The following RFX4 variants were observed in gnomAD, a reference collection of about 807,000 sequenced individuals.
RFX4 encodes transcription factor RFX4.
A neutral mutation model predicts 95.0 loss-of-function variants in RFX4; 10 were observed. The observed-to-expected ratio is 0.11, with a 90% CI of 0.06 to 0.18. The LOEUF is 0.18. Among genes scored for constraint, RFX4 ranks in the 10% least tolerant of loss-of-function variants. The pLI, the probability that RFX4 is intolerant of heterozygous loss-of-function variation, is 1.00. For missense variants in RFX4, 640 were observed against 922.0 expected (o/e 0.69, Z 3.96); for synonymous variants, 321 against 340.7 (o/e 0.94, Z 0.64).
intron 17 of RFX4, among the ~76,000 whole-genome samples, chr12:106,759,167 A>G (rs1039057811): frequency 6.6e-6 from 1 of 152,344 alleles, no homozygotes; most frequent in Admixed American, 6.5e-5. Context: ...AGATTCCAGA[A>G]AAGTCTCTCC....
At chr12:106,623,243 G>T (rs1054175402) in intron 2 of RFX4, among the ~76,000 whole-genome samples, 8 of 146,396 alleles carry the variant, frequency 5.5e-5, no homozygotes, top group African/African-American at 1.0e-4. Flanking sequence ...TTTCACGGTG[G>T]TCTCAATCTG....
intron 15 of RFX4, among the ~76,000 whole-genome samples, chr12:106,744,996 T>C (rs766447662): frequency 5.3e-5 from 8 of 152,152 alleles, no homozygotes; most frequent in Non-Finnish European, 1.0e-4. Flanking sequence ...TCCTGAGCGA[T>C]CGTCAGTCTT....
chr12:106,665,520 T>A (rs569810304), intron 4 of RFX4, among the ~76,000 whole-genome samples: 1 of 152,102 alleles, frequency 6.6e-6, no homozygotes, highest in South Asian at 2.1e-4. Context: ...ATATTTACCA[T>A]ATTTGTTACT....
intron 8 of RFX4, 88 bp from the exon 9 acceptor site, chr12:106,709,242 T>C (rs1405200009): frequency 3.9e-6 from 4 of 1,021,624 alleles, no homozygotes; most frequent in African/African-American, 1.6e-5. Context: ...AGCCAAAACA[T>C]GATTAGGGGA....
chr12:106,691,628 A>C (rs1056949236), intron 7 of RFX4, among the ~76,000 whole-genome samples: 5 of 152,232 alleles, frequency 3.3e-5, no homozygotes, highest in Non-Finnish European at 5.9e-5. Flanking sequence ...TGAGGTTACA[A>C]CTTATGCTAG....
At chr12:106,658,452 T>A (rs1050091570) in intron 4 of RFX4, among the ~76,000 whole-genome samples, 1 of 152,196 alleles carries the variant, frequency 6.6e-6, no homozygotes, top group Admixed American at 6.5e-5. Context: ...TACAGCTCAT[T>A]CTCAGCTATT....
intron 16 of RFX4, among the ~76,000 whole-genome samples, chr12:106,747,927 T>TAA (rs10624179): frequency 0.21 from 26,688 of 126,046 alleles, 2,908 homozygotes; most frequent in South Asian, 0.28. Context: ...GACGCCGTCT[T>TAA]AAAAAAAAAA....
At chr12:106,689,425 C>A in intron 7 of RFX4, 61 bp downstream of exon 7, 1 of 1,335,804 alleles carries the variant, frequency 7.5e-7, no homozygotes, top group Non-Finnish European at 1.1e-6. Flanking sequence ...ACACTAGCTC[C>A]TATTTCATGA....
At chr12:106,657,433 C>T (rs912703838) in intron 4 of RFX4, among the ~76,000 whole-genome samples, 3 of 152,132 alleles carry the variant, frequency 2.0e-5, no homozygotes, top group African/African-American at 4.8e-5. Flanking sequence ...GCCATTGCTT[C>T]GCTGCAAGTA....
At chr12:106,589,877 G>A (rs1046400801) in intron 1 of RFX4, among the ~76,000 whole-genome samples, 1 of 152,214 alleles carries the variant, frequency 6.6e-6, no homozygotes, top group Non-Finnish European at 1.5e-5. Flanking sequence ...TATCACAGCG[G>A]TTGAGTAGAG....
intron 1 of RFX4, among the ~76,000 whole-genome samples, chr12:106,605,283 T>C (rs1346300542): frequency 6.6e-6 from 1 of 152,158 alleles, no homozygotes; most frequent in Non-Finnish European, 1.5e-5. Flanking sequence ...AAGACCAAAA[T>C]CCATTGTTAA....
In RFX4 at chr12:106,715,517, G is replaced by A; in HGVS notation, c.1111G>A (p.Asp371Asn). ...QTLYTMEDSR[D>N]EHRKLITQLY... Reference sequence around the variant, plus strand: ...CCTTTACACCATGGAAGACTCTCGCGATGAGCACCGGAAACTCATCACCCA... The same window carrying A: ...CCTTTACACCATGGAAGACTCTCGCAATGAGCACCGGAAACTCATCACCCA... Residue 371 changes from aspartate (D) to asparagine (N), a missense_variant, in exon 11 of 18, where the codon GAT (aspartate) becomes AAT (asparagine). Coordinates refer to ENST00000392842, the MANE Select transcript of RFX4 (RefSeq NM_213594.3). 1 of 1,614,150 alleles carries A rather than the reference G, an allele frequency of 6.2e-7. No homozygotes were observed.
chr12:106,638,410 C>G (rs1000054100), intron 2 of RFX4, among the ~76,000 whole-genome samples: 1 of 152,074 alleles, frequency 6.6e-6, no homozygotes, highest in African/African-American at 2.4e-5. Flanking sequence ...ATGCACAAAC[C>G]CTAAAATATT....
At chr12:106,656,694 A>G (rs1438557677) in intron 4 of RFX4, among the ~76,000 whole-genome samples, 1 of 150,504 alleles carries the variant, frequency 6.6e-6, no homozygotes, top group Non-Finnish European at 1.5e-5. Flanking sequence ...CCTTCTCCTC[A>G]TTCTCCTCTC....
At chr12:106,632,581 T>C (rs4964475) in intron 2 of RFX4, among the ~76,000 whole-genome samples, 142,898 of 152,338 alleles carry the variant, frequency 0.94, 67,157 homozygotes, top group East Asian at 1. Context: ...GCCAGGCTCA[T>C]ACCCCACACT....
intron 4 of RFX4, among the ~76,000 whole-genome samples, chr12:106,669,103 A>T (rs2137361378): frequency 6.6e-6 from 1 of 152,300 alleles, no homozygotes; most frequent in Admixed American, 6.5e-5. Flanking sequence ...AGTATGTATG[A>T]GTTTAATCTA....
At chr12:106,660,720 C>T (rs1299450456) in intron 4 of RFX4, among the ~76,000 whole-genome samples, 1 of 152,152 alleles carries the variant, frequency 6.6e-6, no homozygotes, top group Non-Finnish European at 1.5e-5. Flanking sequence ...CTGGGCCACA[C>T]AGCAGGAGGT....
intron 4 of RFX4, among the ~76,000 whole-genome samples, chr12:106,678,467 T>A (rs2041440583): frequency 6.6e-6 from 1 of 152,220 alleles, no homozygotes; most frequent in African/African-American, 2.4e-5. Context: ...GGAAATGATT[T>A]ATGTTTTTAA....
At position 106,652,807 on chromosome 12, in the gene RFX4, C is replaced by T. The variant is rs143940659; in HGVS notation, c.192-1421C>T. On this transcript the variant is annotated intron_variant, in intron 3 of 17. Transcript: ENST00000392842. Reference sequence around the variant, plus strand: ...CTTTCAAGTGGGCACCTTGGGGGGCCGTGTCCTCATTCCACTTCACTTACG... The same window carrying T: ...CTTTCAAGTGGGCACCTTGGGGGGCTGTGTCCTCATTCCACTTCACTTACG... Among the ~76,000 whole-genome samples the T allele has an allele frequency of 4.6e-5, 7 of 152,220 alleles. No homozygotes were observed. In the East Asian group the frequency reaches 5.8e-4, roughly 13 times the overall value.
Sources: gnomAD v4.1 joint callset for allele counts (sites outside exome capture counted in the v4.1 genomes callset) on GRCh38, gnomAD v4.1.1 for gene constraint, MANE v1.5 for transcripts, NCBI Gene and HGNC (gene_info 2026-07-23, HGNC 2026-07-21) for gene names.